The following TTC1 variants were observed in gnomAD, a reference collection of about 807,000 sequenced individuals.
The protein encoded by TTC1 is tetratricopeptide repeat protein 1.
TTC1 carries 31 observed loss-of-function variants against 37.6 expected under a neutral mutation model. That is an observed-to-expected ratio of 0.82 (90% confidence interval 0.62 to 1.11). The LOEUF is 1.11. TTC1 is among the 50% of genes most tolerant of loss of function. TTC1 has a pLI of 0.00. For synonymous variants in TTC1, 127 were observed against 122.4 expected (o/e 1.04, Z -0.25); for missense variants, 351 against 339.0 (o/e 1.04, Z -0.28).
At chr5:160,052,938 G>A (rs937633816) in intron 7 of TTC1, among the ~76,000 whole-genome samples, 1 of 152,170 alleles carries the variant, frequency 6.6e-6, no homozygotes, top group Admixed American at 6.5e-5. Flanking sequence ...AATATGTGTT[G>A]TTACACATGT....
chr5:160,031,242 G>A (rs1264856659), intron 2 of TTC1, among the ~76,000 whole-genome samples: 5 of 152,158 alleles, frequency 3.3e-5, no homozygotes, highest in African/African-American at 1.2e-4. Flanking sequence ...CTGTGGAGAG[G>A]GAAGCAGCAG....
chr5:160,019,509 T>C (rs960987309), intron 2 of TTC1, among the ~76,000 whole-genome samples: 1 of 152,068 alleles, frequency 6.6e-6, no homozygotes, highest in African/African-American at 2.4e-5. Context: ...ACTTCTTCCA[T>C]AGTGGCCTGC....
chr5:160,023,419 A>G (rs896527748), intron 2 of TTC1, among the ~76,000 whole-genome samples: 1 of 151,842 alleles, frequency 6.6e-6, no homozygotes, highest in Non-Finnish European at 1.5e-5. Context: ...AGCCTCCCAA[A>G]TAGCTGGGAC....
At chr5:160,022,761 A>G (rs1461007369) in intron 2 of TTC1, among the ~76,000 whole-genome samples, 1 of 152,224 alleles carries the variant, frequency 6.6e-6, no homozygotes, top group African/African-American at 2.4e-5. Context: ...TCTTCTTTAT[A>G]GAATATCTTC....
At chr5:160,022,176 A>T (rs753094351) in intron 2 of TTC1, among the ~76,000 whole-genome samples, 1 of 152,214 alleles carries the variant, frequency 6.6e-6, no homozygotes, top group Non-Finnish European at 1.5e-5. Flanking sequence ...CAAGTTTTTA[A>T]CTATTTAATA....
chr5:160,062,045 C>T (rs567781574), intron 7 of TTC1: 1 of 152,414 alleles, frequency 6.6e-6, no homozygotes, highest in Admixed American at 6.5e-5. Context: ...GGAAGGGTGG[C>T]CTCTGCATGA....
At chr5:160,047,978 T>C (rs964584284) in intron 5 of TTC1, among the ~76,000 whole-genome samples, 1 of 152,188 alleles carries the variant, frequency 6.6e-6, no homozygotes, top group Non-Finnish European at 1.5e-5. Context: ...GAACAAGGAC[T>C]GTGTCTGTCT....
intron 7 of TTC1, among the ~76,000 whole-genome samples, chr5:160,059,858 A>C (rs1267885329): frequency 6.6e-6 from 1 of 152,246 alleles, no homozygotes; most frequent in East Asian, 1.9e-4. Flanking sequence ...AATATGAAAG[A>C]GACATGAAAT....
At chr5:160,033,051 C>G (rs534077001) in intron 2 of TTC1, among the ~76,000 whole-genome samples, 1 of 152,220 alleles carries the variant, frequency 6.6e-6, no homozygotes, top group African/African-American at 2.4e-5. Context: ...TAAGCCTATT[C>G]GTTAAGCCTC....
chr5:160,013,269 C>G (rs1756531674), intron 2 of TTC1, among the ~76,000 whole-genome samples: 1 of 152,016 alleles, frequency 6.6e-6, no homozygotes, highest in African/African-American at 2.4e-5. Context: ...CCAAAATTTT[C>G]AAGAAGCCAG....
In TTC1 at chr5:160,038,043, C is replaced by T. The variant is rs536075987; in HGVS notation, c.504+1240C>T. Among the ~76,000 whole-genome samples, 26 of 150,592 alleles carry T rather than the reference C, an allele frequency of 1.7e-4. 1 individual carries two copies. Among genetic ancestry groups the T allele is most frequent in the Admixed American group, 1.3e-3 (20 of 15,132 alleles). Reference sequence around the variant, plus strand: ...TTTTAAAGGCCCCAGGGCAGGGTTGCGGGGGTGGGTGCTTGAATGCTTGGA... The same window carrying T: ...TTTTAAAGGCCCCAGGGCAGGGTTGTGGGGGTGGGTGCTTGAATGCTTGGA... On this transcript the variant is annotated intron_variant, in intron 4 of 7. Coordinates refer to ENST00000231238, the MANE Select transcript of TTC1 (RefSeq NM_003314.3).
chr5:160,051,103 AC>A, intron 6 of TTC1, 25 bp from the exon 7 acceptor site: 2 of 1,535,820 alleles, frequency 1.3e-6, no homozygotes, highest in South Asian at 2.4e-5. Context: ...TTTTTTACCA[AC>A]CCTTGTTTCT....
At chr5:160,047,478 A>G (rs1757282527) in intron 5 of TTC1, among the ~76,000 whole-genome samples, 1 of 152,228 alleles carries the variant, frequency 6.6e-6, no homozygotes, top group African/African-American at 2.4e-5. Context: ...AGACCAAGCC[A>G]ACATCTTCTC....
chr5:160,022,522 A>G (rs1447063649), intron 2 of TTC1, among the ~76,000 whole-genome samples: 1 of 152,224 alleles, frequency 6.6e-6, no homozygotes, highest in South Asian at 2.1e-4. Context: ...TTGGCACATA[A>G]TAAGTATTAT....
intron 5 of TTC1, among the ~76,000 whole-genome samples, chr5:160,043,541 C>A (rs539558211): frequency 6.6e-6 from 1 of 152,046 alleles, no homozygotes; most frequent in Non-Finnish European, 1.5e-5. Context: ...TGTGGTGAGC[C>A]GTGATTATGC....
At chr5:160,048,355 T>C (rs1168265460) in intron 5 of TTC1, among the ~76,000 whole-genome samples, 1 of 152,064 alleles carries the variant, frequency 6.6e-6, no homozygotes, top group Non-Finnish European at 1.5e-5. Flanking sequence ...TTTCGCCATG[T>C]TGGCTAGGCT....
intron 5 of TTC1, among the ~76,000 whole-genome samples, chr5:160,045,526 T>TCTCC (rs1757213497): frequency 8.1e-6 from 1 of 122,922 alleles, no homozygotes; most frequent in African/African-American, 3.2e-5. Context: ...ACACACTCTC[T>TCTCC]CTCTCTCTCT....
At chr5:160,021,177 C>G (rs140676315) in intron 2 of TTC1, among the ~76,000 whole-genome samples, 1 of 152,142 alleles carries the variant, frequency 6.6e-6, no homozygotes, top group East Asian at 1.9e-4. Flanking sequence ...GTGTCTGACA[C>G]CACACACCTG....
At chr5:160,036,271 A>ACAAATATG (rs1197167842) in intron 3 of TTC1, among the ~76,000 whole-genome samples, 1 of 152,224 alleles carries the variant, frequency 6.6e-6, no homozygotes, top group Non-Finnish European at 1.5e-5. Context: ...TTTAATGAAA[A>ACAAATATG]CAAATATGTA....
Sources: allele counts gnomAD v4.1 joint callset (sites outside exome capture counted in the v4.1 genomes callset), GRCh38; gene constraint gnomAD v4.1.1; transcripts MANE v1.5; gene names NCBI Gene and HGNC (gene_info 2026-07-23, HGNC 2026-07-21).